The following ZNF536 variants were observed in gnomAD, a reference collection of about 807,000 sequenced individuals.
ZNF536 encodes the protein zinc finger protein 536.
ZNF536 carries 13 observed loss-of-function variants against 84.5 expected under a neutral mutation model. The observed-to-expected ratio is 0.15, with a 90% confidence interval of 0.10 to 0.24. The LOEUF (loss-of-function observed/expected upper bound fraction) is 0.24, where lower values mean the gene tolerates loss of function less well. Among genes scored for constraint, ZNF536 ranks in the 10% least tolerant of loss-of-function variants. The pLI is 1.00. For synonymous variants in ZNF536, 811 were observed against 742.5 expected, an observed-to-expected ratio of 1.09 and a Z score of -1.50; for missense variants, 1,536 against 1,747.5, an observed-to-expected ratio of 0.88 and a Z score of 2.16.
intron 1 of ZNF536, among the ~76,000 whole-genome samples, chr19:30,680,358 C>A (rs112754972): frequency 1.3e-5 from 2 of 149,788 alleles, no homozygotes; most frequent in African/African-American, 4.9e-5. Flanking sequence ...CCCATTAACT[C>A]GTCATTTAGC....
chr19:30,459,318 TTTTCTTTC>T (rs993168582), intron 2 of ZNF536, among the ~76,000 whole-genome samples: 1 of 151,046 alleles, frequency 6.6e-6, no homozygotes, highest in Non-Finnish European at 1.5e-5. Context: ...TTTCCTTTCC[TTTTCTTTC>T]TTTCTTTCTT....
chr19:30,296,640 T>C (rs2046005131), intron 2 of ZNF536, among the ~76,000 whole-genome samples: 1 of 152,182 alleles, frequency 6.6e-6, no homozygotes, highest in Admixed American at 6.5e-5. Context: ...CTCAGCTTGC[T>C]CTCTACCCCC....
At chr19:30,573,043 C>T (rs2046607597) in intron 1 of ZNF536, among the ~76,000 whole-genome samples, 1 of 152,096 alleles carries the variant, frequency 6.6e-6, no homozygotes, top group Non-Finnish European at 1.5e-5. Context: ...GAGGGGGGCA[C>T]ATATTCTAAG....
chr19:30,432,202 C>A (rs756524249), intron 1 of ZNF536, among the ~76,000 whole-genome samples: 6 of 152,110 alleles, frequency 3.9e-5, no homozygotes, highest in Non-Finnish European at 5.9e-5. Context: ...GGCCTAGATG[C>A]TGGGGTGTCA....
chr19:30,330,569 T>A (rs1303695870), intron 2 of ZNF536, among the ~76,000 whole-genome samples: 1 of 152,140 alleles, frequency 6.6e-6, no homozygotes, highest in Non-Finnish European at 1.5e-5. Context: ...GGCCTCAGGC[T>A]CCCATTTCTA....
Position 30,379,495 on chromosome 19 carries a change from C to T in ZNF536, c.-3+6939C>T, listed in dbSNP as rs552506742. 2.1e-4 allele frequency among the ~76,000 whole-genome samples: 32 copies of T among 151,596 alleles called. 1 individual carries two copies. The South Asian group carries it at 5.0e-3, about 24-fold the overall frequency. On this transcript the variant is annotated intron_variant, in intron 1 of 4. Transcript: ENST00000355537. ...TGCTTTCTGTGGGGTTGATTCCTGT[C>T]GCCATAAGGAGGATGGGGTGGGGCA...
chr19:30,406,292 G>A (rs1352027987), intron 1 of ZNF536, among the ~76,000 whole-genome samples: 3 of 152,342 alleles, frequency 2.0e-5, no homozygotes, highest in Non-Finnish European at 2.9e-5. Flanking sequence ...CCAAGGAAGA[G>A]GAGTGGGAGA....
In ZNF536 at chr19:30,504,254, C is replaced by T. The variant is rs550204049; in HGVS notation, c.2171-30593C>T. On this transcript the variant is annotated intron_variant, in intron 2 of 4. Coordinates refer to ENST00000355537, the MANE Select transcript of ZNF536 (RefSeq NM_014717.3). ...CCCTTCCTTCCTTCCTTCTTGCCTGCCTGCCTTTCCTCCCTCCCTCCCTCT... is the reference window on the plus strand; with the variant it reads ...CCCTTCCTTCCTTCCTTCTTGCCTGTCTGCCTTTCCTCCCTCCCTCCCTCT... 8.0e-5 allele frequency among the ~76,000 whole-genome samples: 12 copies of T among 150,450 alleles called. No homozygotes were observed. In the South Asian group the frequency reaches 1.9e-3, roughly 24 times the overall value.
At chr19:30,681,720 G>A (rs1327904285) in intron 1 of ZNF536, among the ~76,000 whole-genome samples, 1 of 152,194 alleles carries the variant, frequency 6.6e-6, no homozygotes, top group Non-Finnish European at 1.5e-5. Flanking sequence ...GGCTGGTGCC[G>A]AGCAGCCTCA....
At chr19:30,518,280 T>C (rs921775688) in intron 2 of ZNF536, among the ~76,000 whole-genome samples, 3 of 152,216 alleles carry the variant, frequency 2.0e-5, no homozygotes, top group African/African-American at 7.2e-5. Flanking sequence ...GTAGCTTCAG[T>C]GTTCTTACAG....
chr19:30,476,320 G>A (rs1336255199), intron 2 of ZNF536, among the ~76,000 whole-genome samples: 1 of 152,126 alleles, frequency 6.6e-6, no homozygotes, highest in Non-Finnish European at 1.5e-5. Flanking sequence ...TTAGCATCCT[G>A]GCATTTGGAA....
intron 3 of ZNF536, among the ~76,000 whole-genome samples, chr19:30,537,895 T>C (rs910770624): frequency 5.3e-5 from 8 of 152,326 alleles, no homozygotes; most frequent in South Asian, 2.1e-4. Context: ...ATTCGCCGTA[T>C]GTAAAAGGCA....
At chr19:30,622,545 C>T (rs560695222) in intron 1 of ZNF536, among the ~76,000 whole-genome samples, 1 of 152,342 alleles carries the variant, frequency 6.6e-6, no homozygotes, top group African/African-American at 2.4e-5. Context: ...GACAGCGTCA[C>T]TTTCACACCT....
chr19:30,668,510 G>A (rs1208189688), intron 1 of ZNF536: 1 of 152,206 alleles, frequency 6.6e-6, no homozygotes, highest in Non-Finnish European at 1.5e-5. Flanking sequence ...AGTCCCAAAG[G>A]ACACTGAGGA....
chr19:30,333,746 C>A (rs543781400), intron 2 of ZNF536, among the ~76,000 whole-genome samples: 1 of 152,184 alleles, frequency 6.6e-6, no homozygotes, highest in Non-Finnish European at 1.5e-5. Context: ...CCGGACCCCA[C>A]GGAGACTAAC....
chr19:30,652,355 G>A (rs188257233), intron 1 of ZNF536, among the ~76,000 whole-genome samples: 106 of 152,172 alleles, frequency 7.0e-4, no homozygotes, highest in African/African-American at 2.4e-3. Flanking sequence ...ACTGAGGCCC[G>A]CTTTATTGGC....
chr19:30,599,320 CT>C, intron 1 of ZNF536, among the ~76,000 whole-genome samples: 1 of 132,638 alleles, frequency 7.5e-6, no homozygotes, highest in Admixed American at 7.8e-5. Context: ...TTCCTTCCTC[CT>C]TTCCTTCTTT....
chr19:30,312,968 A>G (rs1317330232), intron 2 of ZNF536, among the ~76,000 whole-genome samples: 4 of 152,216 alleles, frequency 2.6e-5, no homozygotes, highest in Non-Finnish European at 5.9e-5. Context: ...CCCAGACATC[A>G]TGATGGCCAC....
chr19:30,337,612 T>G (rs1050740938), intron 2 of ZNF536, among the ~76,000 whole-genome samples: 3 of 152,234 alleles, frequency 2.0e-5, no homozygotes, highest in African/African-American at 7.2e-5. Context: ...CAGCCCATGG[T>G]GGGTCCCTAG....
Sources: allele counts gnomAD v4.1 joint callset (sites outside exome capture counted in the v4.1 genomes callset), GRCh38; gene constraint gnomAD v4.1.1; transcripts MANE v1.5; gene names NCBI Gene and HGNC (gene_info 2026-07-23, HGNC 2026-07-21).